ANKRD6: variants seen among roughly 807,000 people sequenced by gnomAD.
ANKRD6 encodes the protein ankyrin repeat domain-containing protein 6.
A neutral mutation model predicts 82.3 loss-of-function variants in ANKRD6; 56 were observed. That is an observed-to-expected ratio of 0.68 (90% CI 0.55 to 0.85). The LOEUF (loss-of-function observed/expected upper bound fraction) is 0.85, where lower values mean the gene tolerates loss of function less well. ANKRD6 is among the 40% of genes least tolerant of loss of function. The probability of loss-of-function intolerance (pLI) is 0.00; values close to 1 mark genes in which losing one functional copy is unlikely to be tolerated. For synonymous variants in ANKRD6, 347 were observed against 352.1 expected, an observed-to-expected ratio of 0.99 and a Z score of 0.16; for missense variants, 852 against 907.6, an observed-to-expected ratio of 0.94 and a Z score of 0.79.
chr6:89,522,033 C>T (rs943381913), intron 1 of ANKRD6, among the ~76,000 whole-genome samples: 2 of 152,186 alleles, frequency 1.3e-5, no homozygotes, highest in African/African-American at 4.8e-5. Context: ...GTTGAAATGC[C>T]TTGGCATCAA....
At chr6:89,628,829 A>G (rs1343278716) in intron 14 of ANKRD6, 2 of 376,562 alleles carry the variant, frequency 5.3e-6, no homozygotes, top group Non-Finnish European at 9.8e-6. Context: ...ACTAACCGTG[A>G]GGATGGTACC....
intron 1 of ANKRD6, among the ~76,000 whole-genome samples, chr6:89,505,544 G>A (rs1003655320): frequency 7.9e-5 from 12 of 152,202 alleles, no homozygotes; most frequent in East Asian, 1.9e-4. Context: ...ACTCTTTACT[G>A]GGTTCCAAAG....
chr6:89,534,341 C>A (rs561796689), intron 1 of ANKRD6, among the ~76,000 whole-genome samples: 1 of 152,052 alleles, frequency 6.6e-6, no homozygotes, highest in Non-Finnish European at 1.5e-5. Flanking sequence ...AATTACCCTG[C>A]GGTTGTTGCC....
intron 9 of ANKRD6, chr6:89,618,336 G>A (rs532258793): frequency 8.1e-6 from 5 of 616,286 alleles, no homozygotes; most frequent in South Asian, 3.9e-5. Context: ...TTAAGACATC[G>A]CAGGACAGGG....
At chr6:89,483,692 A>C (rs1184339011) in intron 1 of ANKRD6, 1 of 152,200 alleles carries the variant, frequency 6.6e-6, no homozygotes, top group East Asian at 1.9e-4. Context: ...GGTCCTTTAA[A>C]GGTTTTTGAA....
In ANKRD6 at chr6:89,629,209, C is replaced by T; in HGVS notation, c.1583C>T (p.Ser528Phe). Residue 528 changes from serine (S) to phenylalanine (F), a missense_variant, in exon 15 of 16, where the codon TCC becomes TTC. Ser to Phe is a radical substitution (Grantham distance 155). Coordinates refer to ENST00000339746, the MANE Select transcript of ANKRD6 (RefSeq NM_001242809.2). Reference protein sequence around the residue: ...SGDSRACRAKSTPSTCESSTG... With the variant: ...SGDSRACRAKFTPSTCESSTG... ...GATTCTAGGGCCTGCAGAGCTAAAT[C>T]CACACCATCTACTTGTGAGTCCTCT... 6.2e-7 allele frequency: 1 copy of T among 1,613,698 alleles called. No homozygotes were observed. Among genetic ancestry groups the T allele is most frequent in the Non-Finnish European group, 8.5e-7 (1 of 1,179,798 alleles).
chr6:89,504,782 C>T (rs1012818953), intron 1 of ANKRD6, among the ~76,000 whole-genome samples: 5 of 152,182 alleles, frequency 3.3e-5, no homozygotes, highest in Admixed American at 6.5e-5. Context: ...GGGAATAGAA[C>T]TTAGACGTGC....
chr6:89,471,939 C>CAAAA (rs749607605), intron 1 of ANKRD6, among the ~76,000 whole-genome samples: 44 of 52,544 alleles, frequency 8.4e-4, no homozygotes, highest in Non-Finnish European at 1.1e-3. Context: ...AACTCCATCT[C>CAAAA]AAAAAAAAAA....
At chr6:89,573,981 G>A (rs1216949326) in intron 2 of ANKRD6, among the ~76,000 whole-genome samples, 2 of 152,124 alleles carry the variant, frequency 1.3e-5, no homozygotes, top group Admixed American at 6.5e-5. Flanking sequence ...TGCATTCTGT[G>A]TCCTTCATAC....
chr6:89,623,299 G>T, intron 10 of ANKRD6, 111 bp from the exon 11 acceptor site: 1 of 1,374,290 alleles, frequency 7.3e-7, no homozygotes, highest in Non-Finnish European at 9.6e-7. Context: ...ATTTGCAAAG[G>T]TTCTCGTGGG....
At chr6:89,597,064 C>G (rs1796071973) in intron 3 of ANKRD6, among the ~76,000 whole-genome samples, 1 of 152,140 alleles carries the variant, frequency 6.6e-6, no homozygotes, top group Non-Finnish European at 1.5e-5. Flanking sequence ...TGTATAATGT[C>G]ATAAAACTTG....
chr6:89,509,523 G>A (rs1780285981), intron 1 of ANKRD6, among the ~76,000 whole-genome samples: 1 of 152,172 alleles, frequency 6.6e-6, no homozygotes, highest in African/African-American at 2.4e-5. Flanking sequence ...GTTACTGAGG[G>A]CTGCAGTTTA....
chr6:89,588,169 C>T (rs1234998041), intron 2 of ANKRD6, among the ~76,000 whole-genome samples: 1 of 43,330 alleles, frequency 2.3e-5, no homozygotes, highest in East Asian at 2.0e-3. Flanking sequence ...GCCAGGTGGC[C>T]AGAATTCCAC....
chr6:89,562,477 A>C (rs1411536189), intron 1 of ANKRD6: 1 of 152,216 alleles, frequency 6.6e-6, no homozygotes, highest in Non-Finnish European at 1.5e-5. Flanking sequence ...CTTTTCTTGC[A>C]TTACTGCTGA....
intron 1 of ANKRD6, among the ~76,000 whole-genome samples, chr6:89,460,343 A>G (rs1384047197): frequency 6.6e-6 from 1 of 152,120 alleles, no homozygotes; most frequent in Non-Finnish European, 1.5e-5. Flanking sequence ...TATAGACAAT[A>G]TTTATATGCC....
intron 1 of ANKRD6, among the ~76,000 whole-genome samples, chr6:89,545,337 G>T (rs1012194198): frequency 6.6e-6 from 1 of 152,168 alleles, no homozygotes; most frequent in Admixed American, 6.6e-5. Flanking sequence ...GTATCAGGGT[G>T]GTTCCATCTG....
At chr6:89,516,469 G>T (rs1267189634) in intron 1 of ANKRD6, among the ~76,000 whole-genome samples, 2 of 152,056 alleles carry the variant, frequency 1.3e-5, no homozygotes, top group African/African-American at 4.8e-5. Flanking sequence ...CAAAATTGTG[G>T]GAGCCAATTC....
At chr6:89,507,816 TC>T (rs1780056484) in intron 1 of ANKRD6, among the ~76,000 whole-genome samples, 1 of 152,190 alleles carries the variant, frequency 6.6e-6, no homozygotes, top group Admixed American at 6.5e-5. Flanking sequence ...TAGTAAATGC[TC>T]CAAAGATAGC....
At chr6:89,553,806 C>T (rs575420982) in intron 1 of ANKRD6, among the ~76,000 whole-genome samples, 30 of 152,286 alleles carry the variant, frequency 2.0e-4, no homozygotes, top group African/African-American at 6.5e-4. Context: ...TACTTTCTCC[C>T]TCACAAAGGA....
Sources: allele counts gnomAD v4.1 joint callset (sites outside exome capture counted in the v4.1 genomes callset), GRCh38; gene constraint gnomAD v4.1.1; transcripts MANE v1.5; gene names NCBI Gene and HGNC (gene_info 2026-07-23, HGNC 2026-07-21).